The following FREM3 variants were observed in gnomAD, a reference collection of about 807,000 sequenced individuals.
FREM3 encodes FRAS1-related extracellular matrix protein 3.
FREM3 carries 105 observed loss-of-function variants against 129.1 expected under a neutral mutation model. The observed-to-expected ratio is 0.81, with a 90% confidence interval of 0.69 to 0.96. FREM3 has a LOEUF of 0.96. Ranked by LOEUF, FREM3 falls within the 40% of genes least tolerant of loss-of-function variation. The probability of loss-of-function intolerance (pLI) is 0.00; values close to 1 mark genes in which losing one functional copy is unlikely to be tolerated. For synonymous variants in FREM3, 1,014 were observed against 1,044.9 expected (o/e 0.97, Z 0.57); for missense variants, 2,593 against 2,666.3 (o/e 0.97, Z 0.61).
chr4:143,666,962 G>T lies in FREM3; in HGVS notation c.5275+26151C>A, dbSNP rs192182549. 3.6e-3 allele frequency among the ~76,000 whole-genome samples: 548 copies of T among 152,024 alleles called. 2 individuals are homozygous for T. The highest frequency in any genetic ancestry group is 0.013 in the African/African-American group (531 of 41,494). ...AGACTTTAAATGGGCAAATTGTATG[G>T]TATATGAATTATATCTCAAGAAAAC... On this transcript the variant is annotated intron_variant, in intron 2 of 7. Coordinates refer to ENST00000329798, the MANE Select transcript of FREM3 (RefSeq NM_001168235.2).
chr4:143,654,349 C>G (rs527536422), intron 2 of FREM3, among the ~76,000 whole-genome samples: 1 of 152,304 alleles, frequency 6.6e-6, no homozygotes, highest in South Asian at 2.1e-4. Flanking sequence ...AGTGATCTGC[C>G]CGCCTTGGCC....
In FREM3 at chr4:143,700,594, C is replaced by A; in HGVS notation, c.82G>T (p.Ala28Ser). The A allele has an allele frequency of 6.8e-7, 1 of 1,473,924 alleles. No individual in the cohort carries two copies. The highest frequency in any genetic ancestry group is 9.0e-7 in the Non-Finnish European group (1 of 1,113,670). The allele number at this position is 1,473,924 out of a possible 1,614,324, so 91.3% of individuals were successfully genotyped here. Residue 28 changes from alanine to serine, a missense_variant, in exon 1 of 8, where the codon GCG becomes TCG. By Grantham distance (99) the Ala-to-Ser change is moderately conservative. Around this residue, in one of 2 missense-constraint regions of FREM3, gnomAD observed 2,276 missense variants for 2,267.2 expected, o/e 1.00. Coordinates refer to ENST00000329798, the MANE Select transcript of FREM3 (RefSeq NM_001168235.2). ...ALACLLLSRP[A>S]LQGRASSLGT... ...AGTGAGGATGCCCGTCCCTGCAGCG[C>A]GGGGCGACTCAAGAGCAGGCAGGCG...
At chr4:143,687,723 C>T (rs1010638935) in intron 2 of FREM3, among the ~76,000 whole-genome samples, 15 of 152,080 alleles carry the variant, frequency 9.9e-5, no homozygotes, top group African/African-American at 3.6e-4. Context: ...CAAGTCAATA[C>T]ATGTGATACA....
chr4:143,586,577 A>C (rs952298932), intron 6 of FREM3, among the ~76,000 whole-genome samples: 1 of 152,116 alleles, frequency 6.6e-6, no homozygotes, highest in African/African-American at 2.4e-5. Context: ...GACTCCATAG[A>C]AAAAGAAGGC....
At position 143,699,476 on chromosome 4, in the gene FREM3, G is replaced by A; in HGVS notation, c.1200C>T (p.Arg400=). 2 of 1,537,296 alleles carry A rather than the reference G, an allele frequency of 1.3e-6. No homozygotes were observed. The highest frequency in any genetic ancestry group is 2.4e-5 in the South Asian group (2 of 84,060). ...QPPAENSHGE[R]LFQLELEVVD... ...CCACCTCCAGCTCCAGCTGAAAGAG[G>A]CGCTCCCCATGGGAGTTCTCTGCAG... The change falls in exon 1 of 8, where the codon CGC becomes CGT. Residue 400 remains arginine, a synonymous_variant. Transcript: ENST00000329798. The surrounding 1 kb of genome is among the most constrained non-coding windows in gnomAD (Gnocchi z 4.2).
At chr4:143,675,321 A>G (rs201898163) in intron 2 of FREM3, among the ~76,000 whole-genome samples, 10,858 of 151,954 alleles carry the variant, frequency 0.071, 1,018 homozygotes, top group African/African-American at 0.21. Flanking sequence ...AAGCAGAAAT[A>G]AAGATGTTCT....
chr4:143,585,752 A>G lies in FREM3; in HGVS notation c.6178+92T>C. The G allele has an allele frequency of 7.7e-7, 1 of 1,300,588 alleles. No homozygotes were observed. Among genetic ancestry groups the G allele is most frequent in the Non-Finnish European group, 1.0e-6 (1 of 964,858 alleles). The allele number at this position is 1,300,588 out of a possible 1,614,324, so 80.6% of individuals were successfully genotyped here. ...GAGAAACTTTCATTCAGAGTCCATCAACAAAGACTAAGCATGCTTACACTT... is the reference window on the plus strand; with the variant it reads ...GAGAAACTTTCATTCAGAGTCCATCGACAAAGACTAAGCATGCTTACACTT... On this transcript the variant is annotated intron_variant, in intron 7 of 7. Transcript: ENST00000329798. This position sits in a 1 kb window ranked among gnomAD's most constrained non-coding sequence, Gnocchi z 4.2.
intron 2 of FREM3, among the ~76,000 whole-genome samples, chr4:143,652,146 C>CT (rs1030414098): frequency 0.02 from 1,148 of 58,518 alleles, 309 homozygotes; most frequent in African/African-American, 0.057. Context: ...TTTTTCCTTT[C>CT]TTTTTTTTTT....
intron 2 of FREM3, among the ~76,000 whole-genome samples, chr4:143,686,019 G>A (rs1262004929): frequency 1.3e-5 from 2 of 151,970 alleles, no homozygotes; most frequent in Non-Finnish European, 2.9e-5. Flanking sequence ...ATATATATAT[G>A]ATACAGAACC....
At chr4:143,610,622 A>G (rs1560843727) in intron 6 of FREM3, among the ~76,000 whole-genome samples, 1 of 152,172 alleles carries the variant, frequency 6.6e-6, no homozygotes, top group African/African-American at 2.4e-5. Context: ...TAGTAATAAA[A>G]CAGTCTGATC....
intron 2 of FREM3, among the ~76,000 whole-genome samples, chr4:143,676,053 T>C (rs1439981718): frequency 1.3e-5 from 2 of 152,172 alleles, no homozygotes; most frequent in African/African-American, 4.8e-5. Context: ...AAGCCAGCAT[T>C]ATCCTGATAC....
At chr4:143,603,475 G>C (rs932855064) in intron 6 of FREM3, among the ~76,000 whole-genome samples, 1 of 152,064 alleles carries the variant, frequency 6.6e-6, no homozygotes, top group African/African-American at 2.4e-5. Context: ...ATGACCTCAC[G>C]TGTGAAATGC....
Position 143,695,578 on chromosome 4 carries a change from G to T in FREM3, c.5098C>A (p.Leu1700Met). The change falls in exon 1 of 8, where the codon CTG (leucine) becomes ATG (methionine). Residue 1700 changes from leucine to methionine, a missense_variant. This residue lies in a region of FREM3 where 2,276 missense variants were observed against 2,267.2 expected (regional missense o/e 1.00). Coordinates refer to ENST00000329798, the MANE Select transcript of FREM3 (RefSeq NM_001168235.2). ...AEDQDSPHRL[L>M]KYKVTRGPEH... The stretch of plus-strand genomic sequence containing the variant: ...GGTCCTCTGGTCACTTTATACTTCA[G>T]AAGCCTGTGGGGACTGTCCTGATCT... 1 of 1,537,342 alleles carries T rather than the reference G, an allele frequency of 6.5e-7. No homozygotes were observed. Among genetic ancestry groups the T allele is most frequent in the East Asian group, 2.4e-5 (1 of 40,920 alleles).
intron 3 of FREM3, among the ~76,000 whole-genome samples, chr4:143,627,142 A>G (rs1578840907): frequency 6.6e-6 from 1 of 152,210 alleles, no homozygotes; most frequent in Non-Finnish European, 1.5e-5. Flanking sequence ...GACACCGTAC[A>G]TGTCCTCAAG....
intron 2 of FREM3, among the ~76,000 whole-genome samples, chr4:143,678,517 G>C (rs1249987046): frequency 2.6e-5 from 4 of 151,864 alleles, no homozygotes; most frequent in African/African-American, 9.7e-5. Flanking sequence ...TTGTGCACAT[G>C]TACCCTAGAA....
chr4:143,696,768 T>G lies in FREM3; in HGVS notation c.3908A>C (p.Asp1303Ala). The G allele has an allele frequency of 6.5e-7, 1 of 1,537,864 alleles. No individual in the cohort carries two copies. The change falls in exon 1 of 8, where the codon GAT becomes GCT. Residue 1303 changes from aspartate (D) to alanine (A), a missense_variant. Physicochemically the swap from Asp to Ala is moderately radical, Grantham distance 126. Around this residue, in one of 2 missense-constraint regions of FREM3, gnomAD observed 2,276 missense variants for 2,267.2 expected, o/e 1.00. Transcript: ENST00000329798. ...GACAGTCAGGTGAGGAGTTTCATCA[T>G]CCACTAGGGTCACTACAATGGGTAC... is the stretch of plus-strand genomic sequence containing the variant. ...RKVPIVVTLVDDETPHLTVNN... is the reference protein window; with the variant it reads ...RKVPIVVTLVADETPHLTVNN...
intron 6 of FREM3, among the ~76,000 whole-genome samples, chr4:143,609,281 C>T (rs1163404947): frequency 1.3e-5 from 2 of 152,126 alleles, no homozygotes; most frequent in African/African-American, 4.8e-5. Context: ...TTACTAGCTC[C>T]AGTAGAGAAG....
At position 143,699,662 on chromosome 4, in the gene FREM3, G is replaced by T. The variant is rs906448363; in HGVS notation, c.1014C>A (p.Asp338Glu). 1 of 1,529,770 alleles carries T rather than the reference G, an allele frequency of 6.5e-7. No individual in the cohort carries two copies. The highest frequency in any genetic ancestry group is 8.8e-7 in the Non-Finnish European group (1 of 1,142,504). 94.8% of individuals were successfully genotyped at this position (1,529,770 alleles called of 1,614,324 possible). A position where few individuals can be genotyped will look rare whatever the true frequency, so the allele number is the denominator to read the frequency against. The stretch of plus-strand genomic sequence containing the variant: ...GAATGTTGAACACCAGGTCACCAGG[G>T]TCTGACTCGACGTCCTCCGCGGCCA... The part of the protein sequence containing the change: ...DALAAEDVES[D>E]PGDLVFNILN... The change falls in exon 1 of 8, where the codon GAC becomes GAA. Residue 338 changes from aspartate (D) to glutamate (E), a missense_variant. Physicochemically the swap from Asp to Glu is conservative, Grantham distance 45 (BLOSUM62 2). This residue lies in a region of FREM3 where 2,276 missense variants were observed against 2,267.2 expected (regional missense o/e 1.00). Transcript: ENST00000329798. The surrounding 1 kb of genome is among the most constrained non-coding windows in gnomAD (Gnocchi z 4.2).
At chr4:143,588,796 C>T (rs1376841060) in intron 6 of FREM3, among the ~76,000 whole-genome samples, 1 of 150,336 alleles carries the variant, frequency 6.7e-6, no homozygotes, top group East Asian at 1.9e-4. Flanking sequence ...ATTTCTAGTT[C>T]TAGATCCCTG....
Sources: allele counts gnomAD v4.1 joint callset (sites outside exome capture counted in the v4.1 genomes callset), GRCh38; gene constraint gnomAD v4.1.1; regional missense constraint gnomAD v4.1.1; non-coding constraint Gnocchi (gnomAD v3.1); transcripts MANE v1.5; gene names NCBI Gene and HGNC (gene_info 2026-07-23, HGNC 2026-07-21).